Variants in TOP6BL observed in about 807,000 individuals in gnomAD.
TOP6BL encodes the protein TOP6B like initiator of meiotic double strand breaks.
At chr11:66,767,525 T>A in the TOP6BL span, among the ~76,000 whole-genome samples, 1 of 152,240 alleles carries the variant, frequency 6.6e-6, no homozygotes, top group Non-Finnish European at 1.5e-5. Flanking sequence ...TTTGTCTTTT[T>A]AAAATAGCTT....
chr11:66,758,302 C>CTTTTCTTTTTT, the TOP6BL span: 6 of 67,328 alleles, frequency 8.9e-5, no homozygotes, highest in African/African-American at 3.6e-4. Context: ...TTTTCTTTTT[C>CTTTTCTTTTTT]TTTTTTTTTT....
the TOP6BL span, among the ~76,000 whole-genome samples, chr11:66,807,542 G>C: frequency 6.6e-6 from 1 of 152,208 alleles, no homozygotes. Context: ...TTGCACTCCA[G>C]CCTGGGCAAC....
chr11:66,748,681 A>G, the TOP6BL span, among the ~76,000 whole-genome samples: 1 of 152,198 alleles, frequency 6.6e-6, no homozygotes, highest in Middle Eastern at 3.2e-3. Context: ...AGATTTACAA[A>G]TGTATCATAC....
chr11:66,762,192 C>T, the TOP6BL span: 45 of 704,792 alleles, frequency 6.4e-5, 1 homozygote, highest in Admixed American at 7.0e-4. Context: ...CCTTCGCACG[C>T]CACACCCACA....
chr11:66,775,395 A>T, the TOP6BL span, among the ~76,000 whole-genome samples: 2 of 152,186 alleles, frequency 1.3e-5, no homozygotes, highest in Non-Finnish European at 2.9e-5. Context: ...CCATTTTGCC[A>T]GGTGTTATTA....
chr11:66,751,188 G>A, the TOP6BL span, among the ~76,000 whole-genome samples: 1 of 151,566 alleles, frequency 6.6e-6, no homozygotes, highest in Admixed American at 6.6e-5. Flanking sequence ...ACTAATTTTT[G>A]TTTTGTTTTG....
chr11:66,823,012 A>G, the TOP6BL span, among the ~76,000 whole-genome samples: 1 of 149,140 alleles, frequency 6.7e-6, no homozygotes, highest in Non-Finnish European at 1.5e-5. Flanking sequence ...AAAAAAAAAA[A>G]TGCCCAGGGC....
the TOP6BL span, among the ~76,000 whole-genome samples, chr11:66,824,852 G>C: frequency 6.6e-6 from 1 of 151,950 alleles, no homozygotes; most frequent in Admixed American, 6.6e-5. Flanking sequence ...ATCATTGTTG[G>C]ATATTTGGGT....
the TOP6BL span, chr11:66,838,314 A>G: frequency 6.6e-7 from 1 of 1,520,446 alleles, no homozygotes; most frequent in Admixed American, 1.7e-5. Flanking sequence ...CTGTTTCACT[A>G]GGGCTCGTTC....
the TOP6BL span, among the ~76,000 whole-genome samples, chr11:66,812,192 T>A: frequency 2.0e-5 from 3 of 150,874 alleles, no homozygotes; most frequent in Non-Finnish European, 4.4e-5. Context: ...CATCTTTTTT[T>A]TTGAGACGGA....
At chr11:66,790,717 A>G in the TOP6BL span, among the ~76,000 whole-genome samples, 1 of 152,234 alleles carries the variant, frequency 6.6e-6, no homozygotes, top group Admixed American at 6.5e-5. Flanking sequence ...AGAATGGAAC[A>G]GTTCCAAGCC....
At chr11:66,772,000 CCTT>C in the TOP6BL span, among the ~76,000 whole-genome samples, 1 of 152,098 alleles carries the variant, frequency 6.6e-6, no homozygotes, top group East Asian at 1.9e-4. Flanking sequence ...CAATTAAAAA[CCTT>C]CTGGAAAGGA....
chr11:66,820,957 T>C, the TOP6BL span, among the ~76,000 whole-genome samples: 3 of 152,154 alleles, frequency 2.0e-5, no homozygotes, highest in Non-Finnish European at 4.4e-5. Context: ...TATGTAGGGG[T>C]CTCTTCTTCC....
At chr11:66,748,355 T>G in the TOP6BL span, 1 of 1,501,362 alleles carries the variant, frequency 6.7e-7, no homozygotes, top group East Asian at 2.5e-5. Flanking sequence ...AGATTATGTT[T>G]TCTTTGAATT....
At chr11:66,819,776 G>A in the TOP6BL span, among the ~76,000 whole-genome samples, 3 of 151,914 alleles carry the variant, frequency 2.0e-5, no homozygotes, top group South Asian at 2.1e-4. Context: ...GGTGGCAGGC[G>A]CCTGTAATCC....
the TOP6BL span, chr11:66,761,439 T>C: frequency 3.8e-6 from 1 of 265,044 alleles, no homozygotes; most frequent in Non-Finnish European, 6.8e-6. Flanking sequence ...GTGCAAAACA[T>C]AGAATTTAAA....
At chr11:66,748,573 G>A in the TOP6BL span, 3 of 1,335,482 alleles carry the variant, frequency 2.2e-6, no homozygotes, top group South Asian at 1.6e-5. Context: ...TTATGTCGTA[G>A]CTTATTTAAA....
the TOP6BL span, among the ~76,000 whole-genome samples, chr11:66,769,031 G>A: frequency 1.3e-5 from 2 of 152,116 alleles, no homozygotes; most frequent in Non-Finnish European, 1.5e-5. Flanking sequence ...GGCACTTACT[G>A]TTCCAACTCT....
At chr11:66,838,251 TC>T in the TOP6BL span, 1 of 783,476 alleles carries the variant, frequency 1.3e-6, no homozygotes, top group East Asian at 2.7e-5. Flanking sequence ...AAGAGGGAGT[TC>T]CAGGTGAGGG....
Sources: gnomAD v4.1 joint callset for allele counts (sites outside exome capture counted in the v4.1 genomes callset) on GRCh38, gnomAD v4.1.1 for gene constraint, MANE v1.5 for transcripts, NCBI Gene and HGNC (gene_info 2026-07-23, HGNC 2026-07-21) for gene names.